Variants in GPR148 observed in about 807,000 individuals in gnomAD.
GPR148 encodes probable G protein-coupled receptor 148.
For synonymous variants in GPR148, 173 were observed against 187.9 expected, an observed-to-expected ratio of 0.92 and a Z score of 0.65; for missense variants, 424 against 435.3, an observed-to-expected ratio of 0.97 and a Z score of 0.23.
Position 130,729,718 on chromosome 2 carries a change from G to T in GPR148, c.567G>T (p.Trp189Cys). ...FPTFLIWLSK[W>C]QDAQLEEQGA... ...CATTCCTTATTTGGCTCAGCAAGTGGCAGGATGCCCAGCTGGAGGAGCAAG... is the reference window on the plus strand; with the variant it reads ...CATTCCTTATTTGGCTCAGCAAGTGTCAGGATGCCCAGCTGGAGGAGCAAG... Residue 189 changes from tryptophan (W) to cysteine (C), a missense_variant, in exon 1 of 1, where the codon TGG (tryptophan) becomes TGT (cysteine). Transcript: ENST00000309926. 6.2e-7 allele frequency: 1 copy of T among 1,614,270 alleles called. No homozygotes were observed. The highest frequency in any genetic ancestry group is 8.5e-7 in the Non-Finnish European group (1 of 1,180,048).
Position 130,729,229 on chromosome 2 carries a change from C to G in GPR148, c.78C>G (p.Pro26=), listed in dbSNP as rs1164093424. The G allele has an allele frequency of 6.2e-7, 1 of 1,602,020 alleles. No homozygotes were observed. Among genetic ancestry groups the G allele is most frequent in the Non-Finnish European group, 8.5e-7 (1 of 1,173,036 alleles). ...TGATCCAGCTCATCAGCAAGACACC[C>G]TGCATGCCCCAAGCAGCCAGCAACA... ...PALIQLISKT[P]CMPQAASNTS... is the part of the protein sequence containing the mutation. The change falls in exon 1 of 1, where the codon CCC becomes CCG. Residue 26 remains proline, a synonymous_variant. Coordinates refer to ENST00000309926, the MANE Select transcript of GPR148 (RefSeq NM_207364.2).
chr2:130,729,156 G>T lies in GPR148; in HGVS notation c.5G>T (p.Gly2Val). Residue 2 changes from glycine (G) to valine (V), a missense_variant, in exon 1 of 1, where the codon GGG (glycine) becomes GTG (valine). By Grantham distance (109) the Gly-to-Val change is moderately radical (BLOSUM62 -3). Transcript: ENST00000309926. ...CAGCCATCCCTGCCAGGAAGCATGGGGGATGAGCTGGCACCTTGCCCTGTG... is the reference window on the plus strand; with the variant it reads ...CAGCCATCCCTGCCAGGAAGCATGGTGGATGAGCTGGCACCTTGCCCTGTG... Reference protein sequence around the residue: MGDELAPCPVGT... With the variant: MVDELAPCPVGT... The T allele has an allele frequency of 6.6e-7, 1 of 1,522,496 alleles. No individual in the cohort carries two copies. The highest frequency in any genetic ancestry group is 8.8e-7 in the Non-Finnish European group (1 of 1,135,228). The allele number at this position is 1,522,496 out of a possible 1,614,324, so 94.3% of individuals were successfully genotyped here.
In GPR148 at chr2:130,729,134, C is replaced by A; in HGVS notation, c.-18C>A. On this transcript the variant is annotated 5_prime_UTR_variant, in exon 1 of 1. Transcript: ENST00000309926. ...AATCAACAACCTGTGACAAAGCCAG[C>A]CATCCCTGCCAGGAAGCATGGGGGA... is the stretch of plus-strand genomic sequence containing the variant. 1 of 1,518,000 alleles carries A rather than the reference C, an allele frequency of 6.6e-7. No homozygotes were observed. Among genetic ancestry groups the A allele is most frequent in the Non-Finnish European group, 8.8e-7 (1 of 1,133,612 alleles). 94.0% of individuals were successfully genotyped at this position (1,518,000 alleles called of 1,614,324 possible).
Position 130,729,876 on chromosome 2 carries a change from T to A in GPR148, c.725T>A (p.Ile242Asn). 6.3e-7 allele frequency: 1 copy of A among 1,594,224 alleles called. No homozygotes were observed. Among genetic ancestry groups the A allele is most frequent in the Non-Finnish European group, 8.6e-7 (1 of 1,169,564 alleles). Residue 242 changes from isoleucine to asparagine, a missense_variant, in exon 1 of 1, where the codon ATC (isoleucine) becomes AAC (asparagine). By Grantham distance (149) the Ile-to-Asn change is moderately radical. Coordinates refer to ENST00000309926, the MANE Select transcript of GPR148 (RefSeq NM_207364.2). Reference protein sequence around the residue: ...TALIANCFWRIYAEAKTSGIW... With the variant: ...TALIANCFWRNYAEAKTSGIW... Reference sequence around the variant, plus strand: ...CTCATTGCCAACTGTTTCTGGAGGATCTATGCAGAGGCCAAGACTTCAGGC... The same window carrying A: ...CTCATTGCCAACTGTTTCTGGAGGAACTATGCAGAGGCCAAGACTTCAGGC...
At position 130,730,076 on chromosome 2, in the gene GPR148, A is replaced by G. The variant is rs771723608; in HGVS notation, c.925A>G (p.Met309Val). 1.2e-6 allele frequency: 2 copies of G among 1,605,400 alleles called. No homozygotes were observed. The highest frequency in any genetic ancestry group is 2.2e-5 in the East Asian group (1 of 44,764). Reference sequence around the variant, plus strand: ...CCTGGCAGCTAACAGTGAGGTACTCATGATGCTTCCCCGTGCCATGCTCAC... The same window carrying G: ...CCTGGCAGCTAACAGTGAGGTACTCGTGATGCTTCCCCGTGCCATGCTCAC... ...WLLAANSEVL[M>V]MLPRAMLTYL... The change falls in exon 1 of 1, where the codon ATG (methionine) becomes GTG (valine). Residue 309 changes from methionine (M) to valine (V), a missense_variant. By Grantham distance (21) the Met-to-Val change is conservative. Coordinates refer to ENST00000309926, the MANE Select transcript of GPR148 (RefSeq NM_207364.2).
In GPR148 at chr2:130,729,938, C is replaced by G. The variant is rs1558956449; in HGVS notation, c.787C>G (p.Leu263Val). ...GGGCTATTCCCGGGCCAGGGGCACC[C>G]TGCTGATCCACTCAGTGCTGATCAC... ...GQGYSRARGT[L>V]LIHSVLITLY... Residue 263 changes from leucine to valine, a missense_variant, in exon 1 of 1, where the codon CTG becomes GTG. By Grantham distance (32) the Leu-to-Val change is conservative. Transcript: ENST00000309926. The G allele has an allele frequency of 1.3e-6, 2 of 1,571,162 alleles. No homozygotes were observed. The highest frequency in any genetic ancestry group is 1.7e-6 in the Non-Finnish European group (2 of 1,158,404).
rs754963424 is a variant in GPR148, at chr2:130,729,336, C to T, written c.185C>T (p.Ala62Val). 2 of 1,613,792 alleles carry T rather than the reference C, an allele frequency of 1.2e-6. No individual in the cohort carries two copies. Among genetic ancestry groups the T allele is most frequent in the South Asian group, 2.2e-5 (2 of 90,980 alleles). The change falls in exon 1 of 1, where the codon GCC becomes GTC. Residue 62 changes from alanine (A) to valine (V), a missense_variant. Physicochemically the swap from Ala to Val is moderately conservative, Grantham distance 64 (BLOSUM62 0). Coordinates refer to ENST00000309926, the MANE Select transcript of GPR148 (RefSeq NM_207364.2). ...CTTCCCTCAAGCCTGCTGGCTGCAGCCACACTGGCTGTCAGCCCCCTGCTG... is the reference window on the plus strand; with the variant it reads ...CTTCCCTCAAGCCTGCTGGCTGCAGTCACACTGGCTGTCAGCCCCCTGCTG... Reference protein sequence around the residue: ...LFLPSSLLAAATLAVSPLLLV... With the variant: ...LFLPSSLLAAVTLAVSPLLLV...
In GPR148 at chr2:130,729,440, C is replaced by G; in HGVS notation, c.289C>G (p.Leu97Val). Residue 97 changes from leucine to valine, a missense_variant, in exon 1 of 1, where the codon CTG (leucine) becomes GTG (valine). Transcript: ENST00000309926. ...CCCGGCTAACATCCTGCTCTCAGAC[C>G]TGGCCTACATTCTCCTCCACATGCT... ...LLPANILLSD[L>V]AYILLHMLIS... 2 of 1,614,272 alleles carry G rather than the reference C, an allele frequency of 1.2e-6. No individual in the cohort carries two copies. The highest frequency in any genetic ancestry group is 1.7e-6 in the Non-Finnish European group (2 of 1,180,040).
In GPR148 at chr2:130,730,051, C is replaced by T. The variant is rs1418688834; in HGVS notation, c.900C>T (p.Leu300=). ...TTGACTCTGGGACTCACACATGGCTCCTGGCAGCTAACAGTGAGGTACTCA... is the reference window on the plus strand; with the variant it reads ...TTGACTCTGGGACTCACACATGGCTTCTGGCAGCTAACAGTGAGGTACTCA... ...HHIDSGTHTW[L]LAANSEVLMM... The change falls in exon 1 of 1, where the codon CTC becomes CTT. Residue 300 remains leucine (L), a synonymous_variant. Coordinates refer to ENST00000309926, the MANE Select transcript of GPR148 (RefSeq NM_207364.2). 2.5e-6 allele frequency: 4 copies of T among 1,596,154 alleles called. No individual in the cohort carries two copies. In the African/African-American group the frequency reaches 4.0e-5, roughly 16 times the overall value.
Position 130,729,352 on chromosome 2 carries a change from C to T in GPR148, c.201C>T (p.Ser67=). 1 of 1,614,018 alleles carries T rather than the reference C, an allele frequency of 6.2e-7. No individual in the cohort carries two copies. The highest frequency in any genetic ancestry group is 8.5e-7 in the Non-Finnish European group (1 of 1,179,934). ...SLLAAATLAV[S]PLLLVTILRN... ...TGGCTGCAGCCACACTGGCTGTCAG[C>T]CCCCTGCTGCTGGTGACCATCCTGC... The change falls in exon 1 of 1, where the codon AGC becomes AGT. Residue 67 remains serine (S), a synonymous_variant. Transcript: ENST00000309926.
chr2:130,729,171 C>A lies in GPR148; in HGVS notation c.20C>A (p.Pro7His). The change falls in exon 1 of 1, where the codon CCT (proline) becomes CAT (histidine). Residue 7 changes from proline to histidine, a missense_variant. By Grantham distance (77) the Pro-to-His change is moderately conservative (BLOSUM62 -2). Coordinates refer to ENST00000309926, the MANE Select transcript of GPR148 (RefSeq NM_207364.2). MGDELA[P>H]CPVGTTAWPA... ...GGAAGCATGGGGGATGAGCTGGCAC[C>A]TTGCCCTGTGGGCACTACAGCTTGG... 1 of 1,537,942 alleles carries A rather than the reference C, an allele frequency of 6.5e-7. No individual in the cohort carries two copies.
chr2:130,730,285 C>A lies in GPR148; in HGVS notation c.*90C>A. ...ACTTATGACTAACTTCTTAGAACAG[C>A]ACAATATAATAGTGGAATTGGGCCT... On this transcript the variant is annotated 3_prime_UTR_variant, in exon 1 of 1. Transcript: ENST00000309926. The A allele has an allele frequency of 9.6e-7, 1 of 1,047,030 alleles. No homozygotes were observed. The highest frequency in any genetic ancestry group is 2.6e-5 in the East Asian group (1 of 38,172). The allele number at this position is 1,047,030 out of a possible 1,614,324, so 64.9% of individuals were successfully genotyped here.
rs1328046659 is a variant in GPR148 at position 130,729,432 on chromosome 2, T to C, written c.281T>C (p.Leu94Pro). The part of the protein sequence containing the change: ...PHYLLPANIL[L>P]SDLAYILLHM... Reference sequence around the variant, plus strand: ...TACCTGCTCCCGGCTAACATCCTGCTCTCAGACCTGGCCTACATTCTCCTC... The same window carrying C: ...TACCTGCTCCCGGCTAACATCCTGCCCTCAGACCTGGCCTACATTCTCCTC... Residue 94 changes from leucine to proline, a missense_variant, in exon 1 of 1, where the codon CTC becomes CCC. Transcript: ENST00000309926. 1 of 1,614,216 alleles carries C rather than the reference T, an allele frequency of 6.2e-7. No individual in the cohort carries two copies. Among genetic ancestry groups the C allele is most frequent in the Admixed American group, 1.7e-5 (1 of 60,030 alleles).
At position 130,730,073 on chromosome 2, in the gene GPR148, C is replaced by T. The variant is rs1447650292; in HGVS notation, c.922C>T (p.Leu308Phe). 1.9e-6 allele frequency: 3 copies of T among 1,604,364 alleles called. No homozygotes were observed. The highest frequency in any genetic ancestry group is 2.2e-5 in the South Asian group (2 of 89,248). Residue 308 changes from leucine (L) to phenylalanine (F), a missense_variant, in exon 1 of 1, where the codon CTC (leucine) becomes TTC (phenylalanine). Physicochemically the swap from Leu to Phe is conservative, Grantham distance 22. Coordinates refer to ENST00000309926, the MANE Select transcript of GPR148 (RefSeq NM_207364.2). ...TWLLAANSEV[L>F]MMLPRAMLTY... ...GCTCCTGGCAGCTAACAGTGAGGTACTCATGATGCTTCCCCGTGCCATGCT... is the reference window on the plus strand; with the variant it reads ...GCTCCTGGCAGCTAACAGTGAGGTATTCATGATGCTTCCCCGTGCCATGCT...
rs185779090 is a variant in GPR148, at chr2:130,730,089, G to A, written c.938G>A (p.Arg313His). Residue 313 changes from arginine to histidine, a missense_variant, in exon 1 of 1, where the codon CGT becomes CAT. Arg to His is a conservative substitution (Grantham distance 29). Transcript: ENST00000309926. Reference protein sequence around the residue: ...ANSEVLMMLPRAMLTYLYLLR... With the variant: ...ANSEVLMMLPHAMLTYLYLLR... ...AGTGAGGTACTCATGATGCTTCCCC[G>A]TGCCATGCTCACATACCTGTACCTG... 24 of 1,608,326 alleles carry A rather than the reference G, an allele frequency of 1.5e-5. No homozygotes were observed. The highest frequency in any genetic ancestry group is 1.7e-4 in the Middle Eastern group (1 of 6,044).
Position 130,729,420 on chromosome 2 carries a change from C to T in GPR148, c.269C>T (p.Ala90Val), listed in dbSNP as rs759599382. Residue 90 changes from alanine (A) to valine (V), a missense_variant, in exon 1 of 1, where the codon GCT becomes GTT. Physicochemically the swap from Ala to Val is moderately conservative, Grantham distance 64. Transcript: ENST00000309926. ...LRQEPHYLLP[A>V]NILLSDLAYI... Reference sequence around the variant, plus strand: ...CAGGAGCCCCACTACCTGCTCCCGGCTAACATCCTGCTCTCAGACCTGGCC... The same window carrying T: ...CAGGAGCCCCACTACCTGCTCCCGGTTAACATCCTGCTCTCAGACCTGGCC... 16 of 1,614,152 alleles carry T rather than the reference C, an allele frequency of 9.9e-6. No homozygotes were observed. The highest frequency in any genetic ancestry group is 1.4e-5 in the Non-Finnish European group (16 of 1,180,056).
Position 130,730,103 on chromosome 2 carries a change from T to C in GPR148, c.952T>C (p.Tyr318His), listed in dbSNP as rs766599483. 20 of 1,612,378 alleles carry C rather than the reference T, an allele frequency of 1.2e-5. No homozygotes were observed. The highest frequency in any genetic ancestry group is 3.3e-5 in the Admixed American group (2 of 59,714). ...LMMLPRAMLT[Y>H]LYLLRYRQLL... is the part of the protein sequence containing the mutation. ...GATGCTTCCCCGTGCCATGCTCACA[T>C]ACCTGTACCTGCTCCGCTACCGGCA... The change falls in exon 1 of 1, where the codon TAC becomes CAC. Residue 318 changes from tyrosine to histidine, a missense_variant. Transcript: ENST00000309926.
chr2:130,729,539 G>C lies in GPR148; in HGVS notation c.388G>C (p.Ala130Pro). ...ACGILTDAVFAACTSTILSFT... is the reference protein window; with the variant it reads ...ACGILTDAVFPACTSTILSFT... Reference sequence around the variant, plus strand: ...TGGCATTCTCACTGATGCTGTCTTCGCCGCCTGCACCAGCACCATCCTGTC... The same window carrying C: ...TGGCATTCTCACTGATGCTGTCTTCCCCGCCTGCACCAGCACCATCCTGTC... Residue 130 changes from alanine to proline, a missense_variant, in exon 1 of 1, where the codon GCC becomes CCC. By Grantham distance (27) the Ala-to-Pro change is conservative. Coordinates refer to ENST00000309926, the MANE Select transcript of GPR148 (RefSeq NM_207364.2). 2 of 1,614,048 alleles carry C rather than the reference G, an allele frequency of 1.2e-6. No individual in the cohort carries two copies. Among genetic ancestry groups the C allele is most frequent in the Non-Finnish European group, 1.7e-6 (2 of 1,180,028 alleles).
In GPR148 at chr2:130,730,096, G is replaced by A; in HGVS notation, c.945G>A (p.Met315Ile). ...TACTCATGATGCTTCCCCGTGCCAT[G>A]CTCACATACCTGTACCTGCTCCGCT... ...SEVLMMLPRAMLTYLYLLRYR... is the reference protein window; with the variant it reads ...SEVLMMLPRAILTYLYLLRYR... Residue 315 changes from methionine (M) to isoleucine (I), a missense_variant, in exon 1 of 1, where the codon ATG becomes ATA. Coordinates refer to ENST00000309926, the MANE Select transcript of GPR148 (RefSeq NM_207364.2). 1 of 1,609,332 alleles carries A rather than the reference G, an allele frequency of 6.2e-7. No individual in the cohort carries two copies. The highest frequency in any genetic ancestry group is 8.5e-7 in the Non-Finnish European group (1 of 1,177,990).
Sources: gnomAD v4.1 joint callset for allele counts on GRCh38, gnomAD v4.1.1 for gene constraint, MANE v1.5 for transcripts, NCBI Gene and HGNC (gene_info 2026-07-23, HGNC 2026-07-21) for gene names.